Variants in DSN1 observed in about 807,000 individuals in gnomAD.
DSN1 encodes kinetochore-associated protein DSN1 homolog.
In DSN1, 31 loss-of-function variants were observed where a neutral mutation model predicts 45.7. That is an observed-to-expected ratio of 0.68 (90% CI 0.51 to 0.92). The LOEUF (loss-of-function observed/expected upper bound fraction) is 0.92, where lower values mean the gene tolerates loss of function less well. DSN1 is among the 40% of genes least tolerant of loss of function. DSN1 has a pLI of 0.00. For synonymous variants in DSN1, 134 were observed against 142.3 expected (o/e 0.94, Z 0.41); for missense variants, 394 against 414.2 (o/e 0.95, Z 0.42).
At chr20:36,762,084 A>C (rs35713778) in intron 6 of DSN1, among the ~76,000 whole-genome samples, 79 of 151,754 alleles carry the variant, frequency 5.2e-4, no homozygotes, top group African/African-American at 1.9e-3. Context: ...ATCTAATTAC[A>C]ACAAAAGTCC....
chr20:36,767,873 G>C, intron 4 of DSN1, 96 bp downstream of exon 4: 2 of 1,275,890 alleles, frequency 1.6e-6, no homozygotes, highest in South Asian at 2.4e-5. Flanking sequence ...CTGCACTCCA[G>C]CCTGGGTGAC....
intron 8 of DSN1, among the ~76,000 whole-genome samples, chr20:36,756,603 G>C (rs1428734887): frequency 6.6e-6 from 1 of 152,102 alleles, no homozygotes; most frequent in Non-Finnish European, 1.5e-5. Context: ...GATATTACTG[G>C]GCACTTTACA....
intron 10 of DSN1, among the ~76,000 whole-genome samples, chr20:36,753,379 T>C (rs1168165923): frequency 6.8e-6 from 1 of 146,136 alleles, no homozygotes; most frequent in East Asian, 2.0e-4. Context: ...CTGTAATCCC[T>C]GTAATCCCAA....
intron 5 of DSN1, among the ~76,000 whole-genome samples, chr20:36,764,554 A>G (rs1987208711): frequency 6.6e-6 from 1 of 152,182 alleles, no homozygotes; most frequent in Non-Finnish European, 1.5e-5. Flanking sequence ...TTCACAGACA[A>G]CTAGCTAACT....
intron 1 of DSN1, 36 bp from the exon 2 acceptor site, chr20:36,771,509 C>G (rs758649601): frequency 1.1e-5 from 18 of 1,599,552 alleles, no homozygotes; most frequent in Non-Finnish European, 1.5e-5. Context: ...CTGTTCTTCA[C>G]GTTTCACTGC....
intron 10 of DSN1, 45 bp from the exon 11 acceptor site, chr20:36,752,942 G>C (rs746896103): frequency 6.7e-7 from 1 of 1,495,518 alleles, no homozygotes; most frequent in Non-Finnish European, 9.3e-7. Context: ...TTGAAATAAC[G>C]TAACATTTAT....
At chr20:36,762,263 C>T (rs1987034378) in intron 6 of DSN1, among the ~76,000 whole-genome samples, 198 bp downstream of exon 6, 1 of 151,476 alleles carries the variant, frequency 6.6e-6, no homozygotes. Flanking sequence ...CCTGCCACCA[C>T]GCCTGGCTAA....
Position 36,754,746 on chromosome 20 carries a change from T to C in DSN1, c.961+17A>G, listed in dbSNP as rs529116185. ...GAAAACAGCCTGAACTCTGGTCCCCTCAAGAGACAAGCTTACCGAGCTGTA... is the reference window on the plus strand; with the variant it reads ...GAAAACAGCCTGAACTCTGGTCCCCCCAAGAGACAAGCTTACCGAGCTGTA... On this transcript the variant is annotated intron_variant, in intron 10 of 10. Coordinates refer to ENST00000373750, the MANE Select transcript of DSN1 (RefSeq NM_001145315.2). The C allele has an allele frequency of 1.2e-6, 2 of 1,612,054 alleles. No homozygotes were observed. The highest frequency in any genetic ancestry group is 2.2e-5 in the South Asian group (2 of 91,020).
chr20:36,760,408 G>A (rs1473119421), intron 6 of DSN1, among the ~76,000 whole-genome samples: 1 of 152,124 alleles, frequency 6.6e-6, no homozygotes, highest in Admixed American at 6.6e-5. Flanking sequence ...TAAATGAGTG[G>A]GGTAATTAAT....
At position 36,762,539 on chromosome 20, in the gene DSN1, A is replaced by G. The variant is rs1394650391; in HGVS notation, c.512T>C (p.Leu171Pro). ...TGCAAAATGTTTCAATTCTTCAGAA[A>G]GAGAAGATGCTAGACAGCACAAATT... ...LESFRAKASS[L>P]SEELKHFADG... The change falls in exon 6 of 11, where the codon CTT becomes CCT. Residue 171 changes from leucine to proline, a missense_variant. Physicochemically the swap from Leu to Pro is moderately conservative, Grantham distance 98. Coordinates refer to ENST00000373750, the MANE Select transcript of DSN1 (RefSeq NM_001145315.2). 1 of 1,613,704 alleles carries G rather than the reference A, an allele frequency of 6.2e-7. No homozygotes were observed. Among genetic ancestry groups the G allele is most frequent in the Non-Finnish European group, 8.5e-7 (1 of 1,179,802 alleles).
At chr20:36,766,628 C>G in intron 5 of DSN1, 141 bp downstream of exon 5, 1 of 738,752 alleles carries the variant, frequency 1.4e-6, no homozygotes, top group Non-Finnish European at 2.3e-6. Flanking sequence ...GCACTCCAGT[C>G]TGGGCAAGAG....
Position 36,770,974 on chromosome 20 carries a change from T to A in DSN1, c.254A>T (p.Gln85Leu). 1 of 1,614,214 alleles carries A rather than the reference T, an allele frequency of 6.2e-7. No individual in the cohort carries two copies. Among genetic ancestry groups the A allele is most frequent in the East Asian group, 2.2e-5 (1 of 44,882 alleles). Residue 85 changes from glutamine (Q) to leucine (L), a missense_variant, in exon 3 of 11, where the codon CAA becomes CTA. Physicochemically the swap from Gln to Leu is moderately radical, Grantham distance 113. Transcript: ENST00000373750. ...SKSLHLSPQE[Q>L]SASYQDRRQS... Reference sequence around the variant, plus strand: ...CCTCCTGTCTTGATAACTGGCAGATTGTTCTTGAGGAGACAAATGAAGGGA... The same window carrying A: ...CCTCCTGTCTTGATAACTGGCAGATAGTTCTTGAGGAGACAAATGAAGGGA...
chr20:36,761,983 TG>T (rs1410892789), intron 6 of DSN1, among the ~76,000 whole-genome samples: 3 of 151,648 alleles, frequency 2.0e-5, no homozygotes, highest in Admixed American at 2.0e-4. Context: ...CACTCCAGCC[TG>T]GGGTACAGAG....
chr20:36,758,685 A>T, intron 6 of DSN1, 68 bp from the exon 7 acceptor site: 1 of 1,425,634 alleles, frequency 7.0e-7, no homozygotes, highest in Admixed American at 2.0e-5. Context: ...ATCGCTTATA[A>T]ATTAGTTATT....
chr20:36,772,359 G>C lies in DSN1; in HGVS notation c.-15-886C>G, dbSNP rs149556029. ...GCTGGAGTGCAGTGGCGCAGTCTCG[G>C]CTCACTGCAACTTTCACCTCCCAGG... On this transcript the variant is annotated intron_variant, in intron 1 of 10. Coordinates refer to ENST00000373750, the MANE Select transcript of DSN1 (RefSeq NM_001145315.2). 4.8e-3 allele frequency among the ~76,000 whole-genome samples: 729 copies of C among 151,840 alleles called. 4 individuals are homozygous for C. Among genetic ancestry groups the C allele is most frequent in the African/African-American group, 0.017 (696 of 41,402 alleles).
intron 5 of DSN1, among the ~76,000 whole-genome samples, chr20:36,764,544 T>C (rs1011884647): frequency 1.3e-5 from 2 of 152,204 alleles, no homozygotes; most frequent in Non-Finnish European, 2.9e-5. Flanking sequence ...AGTATTTTAT[T>C]TCACAGACAA....
intron 6 of DSN1, among the ~76,000 whole-genome samples, chr20:36,759,418 C>CT (rs1986851207): frequency 6.6e-6 from 1 of 152,176 alleles, no homozygotes; most frequent in African/African-American, 2.4e-5. Flanking sequence ...CCCAGAATCC[C>CT]TTACATAATT....
chr20:36,758,626 C>A lies in DSN1; in HGVS notation c.591-9G>T. ...AAAAATCTGATGCTTTTCTGGAAAA[C>A]AGATAGGATTATGACATAAATCTTT... On this transcript the variant is annotated splice_polypyrimidine_tract_variant and intron_variant, in intron 6 of 10. Coordinates refer to ENST00000373750, the MANE Select transcript of DSN1 (RefSeq NM_001145315.2). 2.5e-6 allele frequency: 4 copies of A among 1,609,242 alleles called. No homozygotes were observed. Among genetic ancestry groups the A allele is most frequent in the Non-Finnish European group, 2.5e-6 (3 of 1,178,100 alleles).
chr20:36,761,400 T>C lies in DSN1; in HGVS notation c.590+1061A>G, dbSNP rs1397258173. Among the ~76,000 whole-genome samples the C allele has an allele frequency of 3.3e-5, 5 of 152,214 alleles. No homozygotes were observed. The East Asian group carries it at 7.7e-4, about 23-fold the overall frequency. Reference sequence around the variant, plus strand: ...ATGACAAAAGAGACCTTGCTTCACTTGTCATTATATCACCAGCATCTAAAA... The same window carrying C: ...ATGACAAAAGAGACCTTGCTTCACTCGTCATTATATCACCAGCATCTAAAA... On this transcript the variant is annotated intron_variant, in intron 6 of 10. Transcript: ENST00000373750.
Sources: gnomAD v4.1 joint callset for allele counts (sites outside exome capture counted in the v4.1 genomes callset) on GRCh38, gnomAD v4.1.1 for gene constraint, MANE v1.5 for transcripts, NCBI Gene and HGNC (gene_info 2026-07-23, HGNC 2026-07-21) for gene names.